Variants in PTPRN2 observed in about 807,000 individuals in gnomAD.
PTPRN2 encodes receptor-type tyrosine-protein phosphatase N2.
In PTPRN2, 74 loss-of-function variants were observed where a neutral mutation model predicts 118.8. The observed-to-expected ratio is 0.62, with a 90% confidence interval of 0.52 to 0.76. The LOEUF is 0.76. PTPRN2 is among the 30% of genes least tolerant of loss of function. The pLI, the probability that PTPRN2 is intolerant of heterozygous loss-of-function variation, is 0.00. For synonymous variants in PTPRN2, 641 were observed against 608.0 expected, an observed-to-expected ratio of 1.05 and a Z score of -0.80; for missense variants, 1,481 against 1,394.4, an observed-to-expected ratio of 1.06 and a Z score of -0.99.
At chr7:158,042,381 G>A (rs772606602) in intron 11 of PTPRN2, among the ~76,000 whole-genome samples, 2 of 152,142 alleles carry the variant, frequency 1.3e-5, no homozygotes, top group Non-Finnish European at 2.9e-5. Context: ...GCCAAACACA[G>A]CTCAGAACTG....
At chr7:158,069,607 GCCCCA>G (rs1267664367) in intron 11 of PTPRN2, among the ~76,000 whole-genome samples, 1 of 150,716 alleles carries the variant, frequency 6.6e-6, no homozygotes, top group Non-Finnish European at 1.5e-5. Flanking sequence ...TGGCCACCAC[GCCCCA>G]CCTCCTCCAT....
intron 13 of PTPRN2, among the ~76,000 whole-genome samples, chr7:157,679,417 T>C (rs1360281637): frequency 2.0e-5 from 3 of 152,282 alleles, no homozygotes; most frequent in African/African-American, 7.2e-5. Flanking sequence ...CTGGTAAGTG[T>C]CAAAAATATG....
intron 5 of PTPRN2, among the ~76,000 whole-genome samples, chr7:158,188,199 C>T (rs1449076169): frequency 3.3e-5 from 4 of 119,498 alleles, no homozygotes; most frequent in Admixed American, 8.8e-5. Flanking sequence ...TGGGGAAGGC[C>T]GCCACGCTCG....
intron 11 of PTPRN2, among the ~76,000 whole-genome samples, chr7:158,058,847 A>G (rs1294178257): frequency 2.5e-5 from 3 of 120,592 alleles, no homozygotes; most frequent in Non-Finnish European, 5.0e-5. Flanking sequence ...ACACGGTGAG[A>G]CATCACTGCA....
At chr7:158,002,826 TCAA>T (rs1245665668) in intron 11 of PTPRN2, among the ~76,000 whole-genome samples, 1 of 152,152 alleles carries the variant, frequency 6.6e-6, no homozygotes, top group East Asian at 1.9e-4. Flanking sequence ...ACAAGGCTCT[TCAA>T]CAAGCCCCGT....
chr7:158,166,798 T>G, intron 6 of PTPRN2, 133 bp downstream of exon 6: 1 of 1,195,744 alleles, frequency 8.4e-7, no homozygotes, highest in Non-Finnish European at 1.1e-6. Context: ...TGGTGCCCCA[T>G]TCCTGCCACG....
At chr7:158,311,945 C>T (rs1244969725) in intron 3 of PTPRN2, among the ~76,000 whole-genome samples, 2 of 145,834 alleles carry the variant, frequency 1.4e-5, no homozygotes, top group Admixed American at 6.9e-5. Context: ...GTGTAGACAC[C>T]CACATACCTG....
intron 2 of PTPRN2, among the ~76,000 whole-genome samples, chr7:158,424,725 C>T (rs907583656): frequency 2.0e-5 from 3 of 152,268 alleles, no homozygotes; most frequent in Admixed American, 6.5e-5. Context: ...ATGCATGTGC[C>T]GCACCCTCGA....
chr7:157,547,820 CA>C (rs1194686841), intron 22 of PTPRN2, among the ~76,000 whole-genome samples: 3 of 152,216 alleles, frequency 2.0e-5, no homozygotes, highest in Non-Finnish European at 4.4e-5. Flanking sequence ...AGACGTTCCA[CA>C]AAGAGCAAGG....
chr7:158,017,732 G>A (rs1187000566), intron 11 of PTPRN2, among the ~76,000 whole-genome samples: 7 of 152,102 alleles, frequency 4.6e-5, no homozygotes, highest in East Asian at 1.9e-4. Flanking sequence ...TACAAAGGAG[G>A]AGCACCCAGC....
At position 158,540,786 on chromosome 7, in the gene PTPRN2, A is replaced by G. The variant is rs1464402140; in HGVS notation, c.112+46772T>C. Among the ~76,000 whole-genome samples, 7 of 152,196 alleles carry G rather than the reference A, an allele frequency of 4.6e-5. No homozygotes were observed. In the East Asian group the frequency reaches 1.3e-3, roughly 29 times the overall value. On this transcript the variant is annotated intron_variant, in intron 1 of 22. Transcript: ENST00000389418. Reference sequence around the variant, plus strand: ...TGAGCTTTTCCTTCAGTGTGGAAGAACCAACAAGTTCTCGGGGCCTCCATC... The same window carrying G: ...TGAGCTTTTCCTTCAGTGTGGAAGAGCCAACAAGTTCTCGGGGCCTCCATC...
chr7:158,462,520 G>A (rs6943465), intron 2 of PTPRN2, among the ~76,000 whole-genome samples: 7,210 of 152,228 alleles, frequency 0.047, 490 homozygotes, highest in African/African-American at 0.15. Context: ...GTCCTGTCTC[G>A]GCCATGAAAA....
At chr7:158,532,915 G>C in intron 1 of PTPRN2, 1 of 458,980 alleles carries the variant, frequency 2.2e-6, no homozygotes, top group Admixed American at 2.2e-5. Context: ...CACCACACCT[G>C]CTCCCTCCTG....
intron 12 of PTPRN2, among the ~76,000 whole-genome samples, chr7:157,832,780 A>C (rs761404954): frequency 3.2e-4 from 48 of 152,246 alleles, no homozygotes; most frequent in Non-Finnish European, 6.3e-4. Flanking sequence ...AAAATATTTC[A>C]GTATATGGAG....
At position 158,259,803 on chromosome 7, in the gene PTPRN2, T is replaced by C. The variant is rs943961130; in HGVS notation, c.278-54530A>G. On this transcript the variant is annotated intron_variant, in intron 3 of 22. Coordinates refer to ENST00000389418, the MANE Select transcript of PTPRN2 (RefSeq NM_002847.5). ...TGTGTCTCTGGTATACACGTATTTG[T>C]CCACGTGTCCCTTTGTGTACACATA... Among the ~76,000 whole-genome samples, 17 of 147,970 alleles carry C rather than the reference T, an allele frequency of 1.1e-4. No homozygotes were observed. The South Asian group carries it at 3.2e-3, about 28-fold the overall frequency.
chr7:157,566,946 C>G (rs545163023), intron 21 of PTPRN2, among the ~76,000 whole-genome samples: 128 of 152,340 alleles, frequency 8.4e-4, no homozygotes, highest in Middle Eastern at 6.8e-3. Context: ...CAGGTGCCCC[C>G]AGCAACTCAC....
At chr7:157,910,273 CCACGCACGTACGCCGGAT>C (rs1272311598) in intron 11 of PTPRN2, among the ~76,000 whole-genome samples, 5 of 125,114 alleles carry the variant, frequency 4.0e-5, no homozygotes, top group African/African-American at 1.2e-4. Flanking sequence ...GGGTGCAGGA[CCACGCACGTACGCCGGAT>C]CACGCACGTA....
At chr7:158,316,753 G>A in intron 3 of PTPRN2, 66 bp downstream of exon 3, 2 of 1,220,868 alleles carry the variant, frequency 1.6e-6, no homozygotes, top group South Asian at 1.5e-5. Context: ...CGCCCAGGAG[G>A]AGAAGCCAAG....
chr7:158,209,670 C>G (rs1827435920), intron 3 of PTPRN2, among the ~76,000 whole-genome samples: 1 of 152,182 alleles, frequency 6.6e-6, no homozygotes, highest in Non-Finnish European at 1.5e-5. Context: ...GATATATTGA[C>G]CAAGCTGCAC....
Sources: gnomAD v4.1 joint callset for allele counts (sites outside exome capture counted in the v4.1 genomes callset) on GRCh38, gnomAD v4.1.1 for gene constraint, MANE v1.5 for transcripts, NCBI Gene and HGNC (gene_info 2026-07-23, HGNC 2026-07-21) for gene names.